The following DIRAS2 variants were observed in gnomAD, a reference collection of about 807,000 sequenced individuals.
DIRAS2 encodes the protein GTP-binding protein Di-Ras2.
Under a neutral mutation model 13.9 loss-of-function variants are expected in DIRAS2, and 5 were observed. The ratio of observed to expected loss-of-function variants is 0.36; its 90% CI spans 0.19 to 0.76. The LOEUF (loss-of-function observed/expected upper bound fraction) is 0.76. Among genes scored for constraint, DIRAS2 ranks in the 30% least tolerant of loss-of-function variants. The probability of loss-of-function intolerance (pLI) is 0.53; values close to 1 mark genes in which losing one functional copy is unlikely to be tolerated. For missense variants in DIRAS2, 191 were observed against 263.0 expected (o/e 0.73, Z 1.89); for synonymous variants, 111 against 105.4 (o/e 1.05, Z -0.33).
At chr9:90,626,646 TAGAG>T (rs1825272456) in intron 1 of DIRAS2, among the ~76,000 whole-genome samples, 2 of 152,074 alleles carry the variant, frequency 1.3e-5, no homozygotes, top group Non-Finnish European at 2.9e-5. Flanking sequence ...TTAGCAAAGA[TAGAG>T]AGAAACTGAA....
At chr9:90,641,200 A>C (rs1825415903) in intron 1 of DIRAS2, among the ~76,000 whole-genome samples, 1 of 152,242 alleles carries the variant, frequency 6.6e-6, no homozygotes, top group African/African-American at 2.4e-5. Flanking sequence ...TGACTTCCAC[A>C]ACTTGGCATT....
chr9:90,638,559 A>G (rs1825391079), intron 1 of DIRAS2, among the ~76,000 whole-genome samples: 1 of 152,210 alleles, frequency 6.6e-6, no homozygotes. Flanking sequence ...GAAGGAAGCA[A>G]AAGGCTTAGT....
At chr9:90,638,636 A>ATGTGTGTGTGTG (rs10599969) in intron 1 of DIRAS2, among the ~76,000 whole-genome samples, 2 of 148,684 alleles carry the variant, frequency 1.3e-5, no homozygotes, top group Non-Finnish European at 3.0e-5. Context: ...TCCATTGATC[A>ATGTGTGTGTGTG]TGTGTGTGTG....
At chr9:90,635,138 A>T (rs950391305) in intron 1 of DIRAS2, among the ~76,000 whole-genome samples, 20 of 152,230 alleles carry the variant, frequency 1.3e-4, no homozygotes, top group African/African-American at 3.6e-4. Flanking sequence ...CCAAACACAC[A>T]TGGAAGAGGA....
chr9:90,642,051 A>G (rs770118078), intron 1 of DIRAS2, among the ~76,000 whole-genome samples: 15 of 152,354 alleles, frequency 9.8e-5, no homozygotes, highest in Non-Finnish European at 1.9e-4. Flanking sequence ...TTTAAAGAGG[A>G]AAAACAGCAT....
chr9:90,613,106 T>C lies in DIRAS2; in HGVS notation c.*122A>G, dbSNP rs1260895681. ...GCCCTCTTAAGGACAATAGGACGCA[T>C]CTCGATTAAATGCAATGTTTAACAC... On this transcript the variant is annotated 3_prime_UTR_variant, in exon 2 of 2. Transcript: ENST00000375765. The surrounding 1 kb of genome is among the most constrained non-coding windows in gnomAD (Gnocchi z 5.6). 3 of 1,400,616 alleles carry C rather than the reference T, an allele frequency of 2.1e-6. No homozygotes were observed. In the African/African-American group the frequency reaches 4.3e-5, roughly 20 times the overall value. 86.8% of individuals were successfully genotyped at this position (1,400,616 alleles called of 1,614,324 possible). A position where few individuals can be genotyped will look rare whatever the true frequency, so the allele number is the denominator to read the frequency against.
At position 90,639,366 on chromosome 9, in the gene DIRAS2, A is replaced by T. The variant is rs1216649228; in HGVS notation, c.-37+3386T>A. On this transcript the variant is annotated intron_variant, in intron 1 of 1. Transcript: ENST00000375765. ...TGTCAAATAGAGACAAACATTGAAA[A>T]TACTCATACCAGTAAAGCATAATAC... is the stretch of plus-strand genomic sequence containing the variant. 3.9e-5 allele frequency among the ~76,000 whole-genome samples: 6 copies of T among 152,376 alleles called. No homozygotes were observed. In the South Asian group the frequency reaches 6.2e-4, roughly 16 times the overall value.
chr9:90,621,444 C>T lies in DIRAS2; in HGVS notation c.-36-7581G>A, dbSNP rs145735555. Among the ~76,000 whole-genome samples the T allele has an allele frequency of 5.3e-5, 8 of 152,042 alleles. No homozygotes were observed. In the East Asian group the frequency reaches 7.8e-4, roughly 15 times the overall value. ...GAGAGGGCAGGTGTTAGTTCAGAAG[C>T]GCAAATTAAAGCTGCCCAGACCAAG... On this transcript the variant is annotated intron_variant, in intron 1 of 1. Coordinates refer to ENST00000375765, the MANE Select transcript of DIRAS2 (RefSeq NM_017594.5).
chr9:90,620,125 A>G (rs1000617092), intron 1 of DIRAS2, among the ~76,000 whole-genome samples: 1 of 152,220 alleles, frequency 6.6e-6, no homozygotes, highest in Non-Finnish European at 1.5e-5. Context: ...TAATGGCTGT[A>G]CCGTAAAACC....
intron 1 of DIRAS2, among the ~76,000 whole-genome samples, chr9:90,636,576 A>G (rs944347828): frequency 6.6e-6 from 1 of 152,150 alleles, no homozygotes; most frequent in Non-Finnish European, 1.5e-5. Context: ...ACTCAACATG[A>G]TTTTTTTCTC....
chr9:90,637,190 C>T (rs1156292319), intron 1 of DIRAS2, among the ~76,000 whole-genome samples: 1 of 152,216 alleles, frequency 6.6e-6, no homozygotes, highest in African/African-American at 2.4e-5. Context: ...AAAGTCAAAA[C>T]ATCATACATT....
chr9:90,629,647 T>C (rs1037594300), intron 1 of DIRAS2, among the ~76,000 whole-genome samples: 7 of 152,224 alleles, frequency 4.6e-5, no homozygotes, highest in African/African-American at 7.2e-5. Context: ...AAGTCTCTTA[T>C]ATGTAATGGA....
At chr9:90,614,176 G>A (rs367900984) in intron 1 of DIRAS2, among the ~76,000 whole-genome samples, 55 of 152,254 alleles carry the variant, frequency 3.6e-4, no homozygotes, top group African/African-American at 1.3e-3. Flanking sequence ...GAAAGGCAAT[G>A]AGAAGATAAA....
In DIRAS2 at chr9:90,612,842, G is replaced by C. The variant is rs1387652165; in HGVS notation, c.*386C>G. 1 of 211,954 alleles carries C rather than the reference G, an allele frequency of 4.7e-6. No individual in the cohort carries two copies. Among genetic ancestry groups the C allele is most frequent in the Non-Finnish European group, 9.5e-6 (1 of 104,784 alleles). 13.1% of individuals were successfully genotyped at this position (211,954 alleles called of 1,614,324 possible). Reference sequence around the variant, plus strand: ...TGTGATTGGCTTCTGTCTGGGGTTGGTGCAGGTAACTCTAGGTTAACACGC... The same window carrying C: ...TGTGATTGGCTTCTGTCTGGGGTTGCTGCAGGTAACTCTAGGTTAACACGC... On this transcript the variant is annotated 3_prime_UTR_variant, in exon 2 of 2. Transcript: ENST00000375765.
chr9:90,629,863 T>C (rs1825307458), intron 1 of DIRAS2, among the ~76,000 whole-genome samples: 1 of 152,120 alleles, frequency 6.6e-6, no homozygotes. Context: ...ACTGATTGAA[T>C]CTGCAGATGC....
At chr9:90,638,132 A>C (rs1033386646) in intron 1 of DIRAS2, among the ~76,000 whole-genome samples, 6 of 152,186 alleles carry the variant, frequency 3.9e-5, no homozygotes, top group Non-Finnish European at 7.4e-5. Context: ...ACCACTAAAA[A>C]TTCTCCCATA....
At chr9:90,614,306 ATGTG>A (rs34548591) in intron 1 of DIRAS2, among the ~76,000 whole-genome samples, 26,134 of 134,668 alleles carry the variant, frequency 0.19, 2,473 homozygotes, top group East Asian at 0.4. Context: ...GGTCATCATA[ATGTG>A]TGTGTGTGTG....
In DIRAS2 at chr9:90,613,641, T is replaced by C. The variant is rs1158778730; in HGVS notation, c.187A>G (p.Thr63Ala). The change falls in exon 2 of 2, where the codon ACG (threonine) becomes GCG (alanine). Residue 63 changes from threonine to alanine, a missense_variant. Transcript: ENST00000375765. This position sits in a 1 kb window ranked among gnomAD's most constrained non-coding sequence, Gnocchi z 5.6. ...SICTLQITDTTGSHQFPAMQR... is the reference protein window; with the variant it reads ...SICTLQITDTAGSHQFPAMQR... ...ATGGCCGGGAACTGGTGGCTCCCCG[T>C]CGTGTCGGTGATCTGCAATGTGCAT... 6.2e-7 allele frequency: 1 copy of C among 1,614,130 alleles called. No individual in the cohort carries two copies. Among genetic ancestry groups the C allele is most frequent in the Non-Finnish European group, 8.5e-7 (1 of 1,180,026 alleles).
rs41281912 is a variant in DIRAS2 at position 90,610,566 on chromosome 9, A to G, written c.*2662T>C. On this transcript the variant is annotated 3_prime_UTR_variant, in exon 2 of 2. Transcript: ENST00000375765. ...GTCAAAAACTGCTATGCCCATATGC[A>G]ATGTAGGATGTGTTTTCAAGAACCA... is the stretch of plus-strand genomic sequence containing the variant. 0.058 allele frequency: 22,908 copies of G among 396,296 alleles called. 792 individuals are homozygous for G. Among genetic ancestry groups the G allele is most frequent in the Admixed American group, 0.081 (1,828 of 22,684 alleles). The allele number at this position is 396,296 out of a possible 1,614,324, so 24.5% of individuals were successfully genotyped here. A position where few individuals can be genotyped will look rare whatever the true frequency, so the allele number is the denominator to read the frequency against.
Sources: gnomAD v4.1 joint callset for allele counts (sites outside exome capture counted in the v4.1 genomes callset) on GRCh38, gnomAD v4.1.1 for gene constraint, Gnocchi (gnomAD v3.1) non-coding constraint, MANE v1.5 for transcripts, NCBI Gene and HGNC (gene_info 2026-07-23, HGNC 2026-07-21) for gene names.